FHOD3: variants seen among roughly 807,000 people sequenced by gnomAD.
The protein encoded by FHOD3 is FH1/FH2 domain-containing protein 3.
Under a neutral mutation model 173.0 loss-of-function variants are expected in FHOD3, and 90 were observed. That is an observed-to-expected ratio of 0.52 (90% CI 0.44 to 0.62). The LOEUF (loss-of-function observed/expected upper bound fraction) is 0.62. Among genes scored for constraint, FHOD3 ranks in the 20% least tolerant of loss-of-function variants. FHOD3 has a pLI of 0.00. For synonymous variants in FHOD3, 828 were observed against 823.0 expected, an observed-to-expected ratio of 1.01 and a Z score of -0.10; for missense variants, 1,945 against 2,034.7, an observed-to-expected ratio of 0.96 and a Z score of 0.85.
chr18:36,617,593 G>GTA lies in FHOD3; in HGVS notation c.957+5499_957+5500insAT, dbSNP rs1261147174. On this transcript the variant is annotated intron_variant, in intron 9 of 28. Coordinates refer to ENST00000590592, the MANE Select transcript of FHOD3 (RefSeq NM_001281740.3). The stretch of plus-strand genomic sequence containing the variant: ...AGTTCTTGTACTTCCCTGTGTGTGT[G>GTA]TGTGTGTGTGTGTGTGTGTGTGTGT... Among the ~76,000 whole-genome samples, 38 of 101,962 alleles carry GTA rather than the reference G, an allele frequency of 3.7e-4. 1 individual carries two copies. In the Admixed American group the frequency reaches 4.7e-3, roughly 13 times the overall value. 66.9% of individuals were successfully genotyped at this position (101,962 alleles called of 152,430 possible). A position where few individuals can be genotyped will look rare whatever the true frequency, so the allele number is the denominator to read the frequency against.
At chr18:36,765,825 G>A (rs971030715) in intron 27 of FHOD3, among the ~76,000 whole-genome samples, 3 of 152,084 alleles carry the variant, frequency 2.0e-5, no homozygotes, top group African/African-American at 7.2e-5. Flanking sequence ...TAAAATATAA[G>A]ATCTGAGGGA....
chr18:36,428,137 G>A (rs1383950142), intron 3 of FHOD3, among the ~76,000 whole-genome samples: 1 of 152,044 alleles, frequency 6.6e-6, no homozygotes, highest in Non-Finnish European at 1.5e-5. Context: ...GATAGCTGTG[G>A]TTCTTGGTTA....
At chr18:36,742,706 C>A in intron 21 of FHOD3, 31 bp from the exon 22 acceptor site, 1 of 1,599,458 alleles carries the variant, frequency 6.3e-7, no homozygotes, top group Non-Finnish European at 8.5e-7. Context: ...ATTGTACACT[C>A]TTTATTGTCT....
At chr18:36,711,475 C>T (rs2040169704) in intron 18 of FHOD3, 1 of 152,212 alleles carries the variant, frequency 6.6e-6, no homozygotes, top group African/African-American at 2.4e-5. Flanking sequence ...TTTGTAGTTA[C>T]TTGCATAATT....
rs1435412264 is a variant in FHOD3, at chr18:36,779,443, T to C, written c.4787-5T>C. Reference sequence around the variant, plus strand: ...CTTTGGGTGTGACCTGCACCACCACTGCAGTGCGAAGAACCCTGAAGAGCG... The same window carrying C: ...CTTTGGGTGTGACCTGCACCACCACCGCAGTGCGAAGAACCCTGAAGAGCG... On this transcript the variant is annotated splice_region_variant and splice_polypyrimidine_tract_variant and intron_variant, in intron 28 of 28. Coordinates refer to ENST00000590592, the MANE Select transcript of FHOD3 (RefSeq NM_001281740.3). 1 of 1,614,052 alleles carries C rather than the reference T, an allele frequency of 6.2e-7. No individual in the cohort carries two copies. Among genetic ancestry groups the C allele is most frequent in the Non-Finnish European group, 8.5e-7 (1 of 1,179,932 alleles).
At chr18:36,479,144 A>C (rs2053746462) in intron 3 of FHOD3, among the ~76,000 whole-genome samples, 1 of 152,186 alleles carries the variant, frequency 6.6e-6, no homozygotes, top group Non-Finnish European at 1.5e-5. Context: ...ATTACAGATA[A>C]AGTAGGTAAC....
intron 19 of FHOD3, among the ~76,000 whole-genome samples, chr18:36,720,692 C>G (rs989461815): frequency 1.8e-5 from 2 of 112,574 alleles, no homozygotes; most frequent in Non-Finnish European, 1.9e-5. Context: ...TTCCTCCTCC[C>G]CCTCCTTCTC....
intron 2 of FHOD3, among the ~76,000 whole-genome samples, chr18:36,370,117 A>G (rs1276902402): frequency 2.0e-5 from 3 of 152,152 alleles, no homozygotes; most frequent in Non-Finnish European, 4.4e-5. Context: ...CTCTTCACCC[A>G]CTTGCCTCTT....
chr18:36,548,378 C>T (rs768608704), intron 5 of FHOD3, among the ~76,000 whole-genome samples: 5 of 152,192 alleles, frequency 3.3e-5, no homozygotes, highest in African/African-American at 7.2e-5. Context: ...TAGGTTCAGC[C>T]GTTGATTTTA....
intron 9 of FHOD3, among the ~76,000 whole-genome samples, chr18:36,623,482 A>G (rs2033865407): frequency 6.6e-6 from 1 of 152,216 alleles, no homozygotes; most frequent in Non-Finnish European, 1.5e-5. Context: ...ACTTTTCCCC[A>G]CAGAATGTCA....
In FHOD3 at chr18:36,451,784, G is replaced by C. The variant is rs549558480; in HGVS notation, c.338-50148G>C. Among the ~76,000 whole-genome samples the C allele has an allele frequency of 2.5e-4, 38 of 152,292 alleles. No individual in the cohort carries two copies. The South Asian group carries it at 6.0e-3, about 24-fold the overall frequency. On this transcript the variant is annotated intron_variant, in intron 3 of 28. Transcript: ENST00000590592. Reference sequence around the variant, plus strand: ...ACCTCTCAAGCTTACTGGCTAACAGGGGTGTCCCATCCTGCGTGGAGCTCC... The same window carrying C: ...ACCTCTCAAGCTTACTGGCTAACAGCGGTGTCCCATCCTGCGTGGAGCTCC...
intron 5 of FHOD3, among the ~76,000 whole-genome samples, chr18:36,530,841 TG>T (rs2056751396): frequency 1.3e-5 from 2 of 152,226 alleles, no homozygotes; most frequent in Non-Finnish European, 2.9e-5. Context: ...GCATTCATCC[TG>T]GGTTGCTTCT....
intron 27 of FHOD3, among the ~76,000 whole-genome samples, chr18:36,765,342 T>C (rs2043096584): frequency 6.6e-6 from 1 of 152,194 alleles, no homozygotes; most frequent in Admixed American, 6.5e-5. Flanking sequence ...TACCTCACTG[T>C]ATCTGTTAAT....
intron 28 of FHOD3, among the ~76,000 whole-genome samples, chr18:36,771,125 A>G (rs1308054289): frequency 6.6e-6 from 1 of 152,162 alleles, no homozygotes; most frequent in African/African-American, 2.4e-5. Context: ...CGCAACTCAA[A>G]GTTGAACCTC....
In FHOD3 at chr18:36,740,448, C is replaced by A. The variant is rs9962146; in HGVS notation, c.3577-208C>A. On this transcript the variant is annotated intron_variant, in intron 20 of 28. Coordinates refer to ENST00000590592, the MANE Select transcript of FHOD3 (RefSeq NM_001281740.3). The stretch of plus-strand genomic sequence containing the variant: ...TTCATCTTTCTCTCACCTCTCATCT[C>A]CCTTTCTTGCCTAGAATGTCCTATG... Among the ~76,000 whole-genome samples the A allele has an allele frequency of 0.015, 2,313 of 152,234 alleles. 48 individuals carry two copies. The highest frequency in any genetic ancestry group is 0.053 in the African/African-American group (2,185 of 41,526).
At chr18:36,693,094 C>T (rs888149873) in intron 16 of FHOD3, 115 bp from the exon 17 acceptor site, 1 of 1,044,066 alleles carries the variant, frequency 9.6e-7, no homozygotes, top group Non-Finnish European at 1.4e-6. Context: ...CAGCCCTGCA[C>T]TGTGCTGTGT....
chr18:36,321,828 C>T (rs887089061), intron 1 of FHOD3, among the ~76,000 whole-genome samples: 5 of 152,188 alleles, frequency 3.3e-5, no homozygotes, highest in Non-Finnish European at 5.9e-5. Context: ...AGAGGACTTG[C>T]TTTTCTGTTT....
chr18:36,374,321 C>T (rs2047330635), intron 3 of FHOD3, among the ~76,000 whole-genome samples: 1 of 152,228 alleles, frequency 6.6e-6, no homozygotes, highest in Admixed American at 6.5e-5. Context: ...GAAGCCCACA[C>T]TCAACCAGGA....
intron 27 of FHOD3, among the ~76,000 whole-genome samples, chr18:36,767,970 G>A (rs1358618916): frequency 6.6e-6 from 1 of 152,054 alleles, no homozygotes; most frequent in East Asian, 1.9e-4. Context: ...AAAAATTAGT[G>A]TGGGAGAACT....
Sources: gnomAD v4.1 joint callset for allele counts (sites outside exome capture counted in the v4.1 genomes callset) on GRCh38, gnomAD v4.1.1 for gene constraint, MANE v1.5 for transcripts, NCBI Gene and HGNC (gene_info 2026-07-23, HGNC 2026-07-21) for gene names.